PABPC4L: variants seen among roughly 807,000 people sequenced by gnomAD.
PABPC4L encodes polyadenylate-binding protein 4-like.
For missense variants in PABPC4L, 452 were observed against 451.4 expected, an observed-to-expected ratio of 1.00 and a Z score of -0.01; for synonymous variants, 169 against 164.1, an observed-to-expected ratio of 1.03 and a Z score of -0.23.
chr4:133,953,196 C>T, the PABPC4L span, among the ~76,000 whole-genome samples: 1 of 152,148 alleles, frequency 6.6e-6, no homozygotes, highest in South Asian at 2.1e-4. Flanking sequence ...GTAACATCCA[C>T]TTGCAGTCTT....
the PABPC4L span, among the ~76,000 whole-genome samples, chr4:134,081,383 C>T: frequency 6.6e-6 from 1 of 152,108 alleles, no homozygotes; most frequent in Non-Finnish European, 1.5e-5. Context: ...TCAGAGTGGT[C>T]AGTCCAAAGC....
At chr4:134,136,453 G>A in the PABPC4L span, among the ~76,000 whole-genome samples, 1 of 151,958 alleles carries the variant, frequency 6.6e-6, no homozygotes, top group Non-Finnish European at 1.5e-5. Flanking sequence ...TTTACCCATG[G>A]AGCAATTTGT....
At chr4:134,102,650 C>T in the PABPC4L span, among the ~76,000 whole-genome samples, 14 of 151,498 alleles carry the variant, frequency 9.2e-5, no homozygotes, top group Non-Finnish European at 1.5e-4. Flanking sequence ...CAGCCAATCA[C>T]GGAAGAAGTC....
At chr4:133,959,447 A>C in the PABPC4L span, among the ~76,000 whole-genome samples, 1 of 152,342 alleles carries the variant, frequency 6.6e-6, no homozygotes, top group Non-Finnish European at 1.5e-5. Flanking sequence ...CAAGGGAAGT[A>C]TTTCCAGAAA....
At chr4:134,047,768 A>C in the PABPC4L span, among the ~76,000 whole-genome samples, 2 of 149,482 alleles carry the variant, frequency 1.3e-5, no homozygotes, top group Admixed American at 1.3e-4. Context: ...GGCAGGCTGC[A>C]GTGAGTCTAA....
the PABPC4L span, among the ~76,000 whole-genome samples, chr4:134,165,544 T>C: frequency 3.3e-5 from 5 of 152,228 alleles, no homozygotes; most frequent in Admixed American, 3.3e-4. Context: ...ATGTTCAACA[T>C]CACTGATCAT....
At chr4:134,110,958 C>T in the PABPC4L span, among the ~76,000 whole-genome samples, 5 of 151,952 alleles carry the variant, frequency 3.3e-5, no homozygotes, top group African/African-American at 4.8e-5. Flanking sequence ...TATACACACA[C>T]GTGCACAGAC....
At chr4:134,066,474 A>T in the PABPC4L span, among the ~76,000 whole-genome samples, 1 of 152,072 alleles carries the variant, frequency 6.6e-6, no homozygotes, top group South Asian at 2.1e-4. Flanking sequence ...GTATAGAATC[A>T]TACTGTCTGG....
chr4:134,108,763 G>A, the PABPC4L span, among the ~76,000 whole-genome samples: 1 of 151,520 alleles, frequency 6.6e-6, no homozygotes. Flanking sequence ...TTTTTTTCTT[G>A]ATTTGGAGAT....
chr4:134,015,578 T>C, the PABPC4L span, among the ~76,000 whole-genome samples: 1 of 152,122 alleles, frequency 6.6e-6, no homozygotes, highest in Non-Finnish European at 1.5e-5. Context: ...CCAAATTTCA[T>C]CCTCATCTGT....
the PABPC4L span, among the ~76,000 whole-genome samples, chr4:134,013,108 C>A: frequency 6.6e-6 from 1 of 151,940 alleles, no homozygotes; most frequent in East Asian, 1.9e-4. Flanking sequence ...GAGGCAAGAA[C>A]CCCAACCCCT....
the PABPC4L span, among the ~76,000 whole-genome samples, chr4:134,063,070 A>T: frequency 6.6e-6 from 1 of 152,096 alleles, no homozygotes; most frequent in Admixed American, 6.6e-5. Context: ...TTTCTTGAAG[A>T]TTGTTTGAAG....
the PABPC4L span, among the ~76,000 whole-genome samples, chr4:134,128,776 G>A: frequency 6.6e-6 from 1 of 151,950 alleles, no homozygotes; most frequent in East Asian, 1.9e-4. Flanking sequence ...AAGATACAAG[G>A]TATTCAGGCA....
the PABPC4L span, among the ~76,000 whole-genome samples, chr4:134,018,024 C>G: frequency 6.6e-6 from 1 of 151,074 alleles, no homozygotes. Flanking sequence ...GTGACCTGCA[C>G]GTACACATCC....
At chr4:134,072,206 A>AT in the PABPC4L span, among the ~76,000 whole-genome samples, 87 of 152,278 alleles carry the variant, frequency 5.7e-4, no homozygotes, top group African/African-American at 1.9e-3. Context: ...ATTGTCCCAT[A>AT]ATACCACAGT....
the PABPC4L span, among the ~76,000 whole-genome samples, chr4:134,150,073 T>G: frequency 1.5e-4 from 21 of 142,996 alleles, no homozygotes; most frequent in Admixed American, 1.5e-3. Flanking sequence ...TTTTGGTTCT[T>G]GGTTTTATTA....
chr4:133,991,706 C>T, the PABPC4L span, among the ~76,000 whole-genome samples: 9 of 152,106 alleles, frequency 5.9e-5, no homozygotes, highest in Admixed American at 5.2e-4. Context: ...GGACAGGGCA[C>T]GTTCTAAGGT....
the PABPC4L span, among the ~76,000 whole-genome samples, chr4:134,002,679 TGA>T: frequency 6.6e-6 from 1 of 151,994 alleles, no homozygotes; most frequent in Non-Finnish European, 1.5e-5. Flanking sequence ...TACTTTATAA[TGA>T]GTTTAATACA....
chr4:134,102,086 G>T, the PABPC4L span, among the ~76,000 whole-genome samples: 37 of 151,384 alleles, frequency 2.4e-4, no homozygotes, highest in African/African-American at 8.9e-4. Context: ...CAAATACTAA[G>T]TAATGCCATT....
Sources: allele counts gnomAD v4.1 joint callset (sites outside exome capture counted in the v4.1 genomes callset), GRCh38; gene constraint gnomAD v4.1.1; transcripts MANE v1.5; gene names NCBI Gene and HGNC (gene_info 2026-07-23, HGNC 2026-07-21).